The following PRR5L variants were observed in gnomAD, a reference collection of about 807,000 sequenced individuals.
PRR5L encodes proline rich 5 like.
Under a neutral mutation model 36.4 loss-of-function variants are expected in PRR5L, and 21 were observed. That is an observed-to-expected ratio of 0.58 (90% CI 0.41 to 0.83). The LOEUF (loss-of-function observed/expected upper bound fraction) is 0.83, where lower values mean the gene tolerates loss of function less well. Ranked by LOEUF, PRR5L falls within the 40% of genes least tolerant of loss-of-function variation. PRR5L has a pLI of 0.00. For missense variants in PRR5L, 381 were observed against 473.3 expected, an observed-to-expected ratio of 0.80 and a Z score of 1.81; for synonymous variants, 188 against 197.0, an observed-to-expected ratio of 0.95 and a Z score of 0.38.
At chr11:36,386,644 G>C (rs372999243) in intron 1 of PRR5L, 4 of 152,396 alleles carry the variant, frequency 2.6e-5, no homozygotes, top group South Asian at 4.1e-4. Flanking sequence ...CACTTGCATT[G>C]TTTAAGACAG....
At chr11:36,356,368 T>G (rs1361452140) in intron 1 of PRR5L, among the ~76,000 whole-genome samples, 1 of 152,186 alleles carries the variant, frequency 6.6e-6, no homozygotes, top group Non-Finnish European at 1.5e-5. Context: ...GTGGGTGGTT[T>G]CTGTAAAGTA....
chr11:36,300,751 C>T (rs1186181591), intron 1 of PRR5L, among the ~76,000 whole-genome samples: 2 of 152,218 alleles, frequency 1.3e-5, no homozygotes, highest in Non-Finnish European at 2.9e-5. Flanking sequence ...AAAGGGAAAG[C>T]TACATATGGG....
intron 1 of PRR5L, chr11:36,380,715 A>T (rs1379156085): frequency 6.6e-6 from 1 of 151,656 alleles, no homozygotes; most frequent in Non-Finnish European, 1.5e-5. Context: ...TTTTTAAAAA[A>T]CTCCCTGAAA....
At chr11:36,432,747 T>A (rs535553826) in intron 5 of PRR5L, among the ~76,000 whole-genome samples, 17 of 152,326 alleles carry the variant, frequency 1.1e-4, no homozygotes, top group African/African-American at 4.1e-4. Context: ...TCCAGCCTAA[T>A]GAACCGTAGA....
At chr11:36,436,027 G>A (rs1174014492) in intron 5 of PRR5L, among the ~76,000 whole-genome samples, 2 of 152,214 alleles carry the variant, frequency 1.3e-5, no homozygotes, top group Admixed American at 1.3e-4. Flanking sequence ...GCACAGGCAA[G>A]TTGAGGGTGC....
At chr11:36,326,392 A>G (rs1294095415) in intron 1 of PRR5L, among the ~76,000 whole-genome samples, 4 of 151,266 alleles carry the variant, frequency 2.6e-5, no homozygotes, top group Non-Finnish European at 5.9e-5. Context: ...CTATGATTCA[A>G]TTCTAACTGG....
At position 36,355,030 on chromosome 11, in the gene PRR5L, G is replaced by A. The variant is rs193153609; in HGVS notation, c.-125-45967G>A. Among the ~76,000 whole-genome samples, 5 of 152,298 alleles carry A rather than the reference G, an allele frequency of 3.3e-5. No individual in the cohort carries two copies. In the East Asian group the frequency reaches 5.8e-4, roughly 18 times the overall value. ...GTTGTAAGCCATAGGCATTCCGTGA[G>A]GCTAAGTTCATTCATTAGAATCTGT... On this transcript the variant is annotated intron_variant, in intron 1 of 8. Coordinates refer to ENST00000530639, the MANE Select transcript of PRR5L (RefSeq NM_001160167.2).
chr11:36,324,635 G>A (rs1856642725), intron 1 of PRR5L, among the ~76,000 whole-genome samples: 1 of 152,064 alleles, frequency 6.6e-6, no homozygotes, highest in African/African-American at 2.4e-5. Flanking sequence ...AAAATTCTAA[G>A]AAAAAGTAGT....
intron 1 of PRR5L, among the ~76,000 whole-genome samples, chr11:36,309,066 A>T (rs1856466966): frequency 6.6e-6 from 1 of 152,218 alleles, no homozygotes; most frequent in African/African-American, 2.4e-5. Context: ...CATTCAGCAA[A>T]GTGTATGGAG....
At chr11:36,365,623 G>A (rs1426431073) in intron 1 of PRR5L, among the ~76,000 whole-genome samples, 1 of 152,124 alleles carries the variant, frequency 6.6e-6, no homozygotes, top group East Asian at 1.9e-4. Flanking sequence ...AGCAACACCA[G>A]CAACATTTCA....
chr11:36,399,432 A>C (rs1414448040), intron 1 of PRR5L, among the ~76,000 whole-genome samples: 1 of 152,180 alleles, frequency 6.6e-6, no homozygotes, highest in Admixed American at 6.5e-5. Flanking sequence ...GCTTGCCTCC[A>C]TGCCCATCTG....
chr11:36,353,375 G>A (rs1036957663), intron 1 of PRR5L, among the ~76,000 whole-genome samples: 2 of 152,122 alleles, frequency 1.3e-5, no homozygotes, highest in Non-Finnish European at 2.9e-5. Flanking sequence ...AAAGGGTAAA[G>A]CTCCTATCAT....
rs201787935 is a variant in PRR5L at position 36,432,724 on chromosome 11, C to CT, written c.352+822dup. ...CACAGGCGAACATACCGGACCCTTT[C>CT]TTTTTTTTCTGCTCCAGCCTAATGA... On this transcript the variant is annotated intron_variant, in intron 5 of 8. Transcript: ENST00000530639. Among the ~76,000 whole-genome samples the CT allele has an allele frequency of 6.6e-3, 1,008 of 152,152 alleles. 15 individuals are homozygous for CT. The highest frequency in any genetic ancestry group is 0.023 in the African/African-American group (952 of 41,500).
chr11:36,355,697 G>A lies in PRR5L; in HGVS notation c.-125-45300G>A, dbSNP rs566073526. 4.7e-4 allele frequency among the ~76,000 whole-genome samples: 71 copies of A among 151,326 alleles called. No individual in the cohort carries two copies. In the South Asian group the frequency reaches 7.4e-3, roughly 16 times the overall value. On this transcript the variant is annotated intron_variant, in intron 1 of 8. Transcript: ENST00000530639. ...CCCAAGTAGCTGGGATTATAGGTGC[G>A]TGTCACCATGCCCAGCTATTTTTTT...
chr11:36,417,835 T>C (rs1324188710), intron 3 of PRR5L, among the ~76,000 whole-genome samples: 1 of 152,186 alleles, frequency 6.6e-6, no homozygotes, highest in African/African-American at 2.4e-5. Flanking sequence ...GTCAGAAACT[T>C]GAGCATTTGC....
At chr11:36,438,585 C>T (rs1858654233) in intron 6 of PRR5L, among the ~76,000 whole-genome samples, 1 of 152,096 alleles carries the variant, frequency 6.6e-6, no homozygotes, top group African/African-American at 2.4e-5. Context: ...CCCTTCCTTA[C>T]AGTAGTCACT....
At chr11:36,390,136 C>T (rs1857537835) in intron 1 of PRR5L, among the ~76,000 whole-genome samples, 1 of 152,028 alleles carries the variant, frequency 6.6e-6, no homozygotes. Flanking sequence ...GACAAGACGA[C>T]AAAGGAGGTG....
intron 1 of PRR5L, among the ~76,000 whole-genome samples, chr11:36,351,610 TTTATATA>T (rs1565408938): frequency 9.4e-4 from 2 of 2,124 alleles, no homozygotes; most frequent in African/African-American, 5.6e-3. Context: ...TAAATATATA[TTTATATA>T]TTTATATATT....
chr11:36,452,525 C>G (rs1225522655), intron 8 of PRR5L, among the ~76,000 whole-genome samples: 1 of 152,234 alleles, frequency 6.6e-6, no homozygotes, highest in Non-Finnish European at 1.5e-5. Flanking sequence ...TCTCCTTCCT[C>G]CCTCCCTTCC....
Sources: gnomAD v4.1 joint callset for allele counts (sites outside exome capture counted in the v4.1 genomes callset) on GRCh38, gnomAD v4.1.1 for gene constraint, MANE v1.5 for transcripts, NCBI Gene and HGNC (gene_info 2026-07-23, HGNC 2026-07-21) for gene names.